PSD3: variants seen among roughly 807,000 people sequenced by gnomAD.
PSD3 encodes the protein pleckstrin and Sec7 domain containing 3.
In PSD3, 49 loss-of-function variants were observed where a neutral mutation model predicts 105.5. That is an observed-to-expected ratio of 0.46 (90% confidence interval 0.37 to 0.59). The LOEUF (loss-of-function observed/expected upper bound fraction) is 0.59, where lower values mean the gene tolerates loss of function less well. Ranked by LOEUF, PSD3 falls within the 20% of genes least tolerant of loss-of-function variation. PSD3 has a pLI of 0.00. For missense variants in PSD3, 1,561 were observed against 1,263.8 expected (o/e 1.24, Z -3.57); for synonymous variants, 557 against 457.8 (o/e 1.22, Z -2.77).
At position 18,621,624 on chromosome 8, in the gene PSD3, G is replaced by A. The variant is rs561845085; in HGVS notation, c.2410+10989C>T. 2.0e-4 allele frequency among the ~76,000 whole-genome samples: 30 copies of A among 152,240 alleles called. 1 individual carries two copies. The highest frequency in any genetic ancestry group is 2.0e-4 in the Admixed American group (3 of 15,300). ...TAAAACTAGAGAGTCACGTGACAAGGTGCTCCTGCGCGTTCACATGGCTGC... is the reference window on the plus strand; with the variant it reads ...TAAAACTAGAGAGTCACGTGACAAGATGCTCCTGCGCGTTCACATGGCTGC... On this transcript the variant is annotated intron_variant, in intron 11 of 15. Coordinates refer to ENST00000327040, the MANE Select transcript of PSD3 (RefSeq NM_015310.4).
chr8:18,886,413 A>G (rs764678065), intron 2 of PSD3, among the ~76,000 whole-genome samples: 91 of 152,068 alleles, frequency 6.0e-4, no homozygotes, highest in Admixed American at 1.9e-3. Flanking sequence ...ATAAATGCAA[A>G]ATGCTCTCCT....
intron 1 of PSD3, among the ~76,000 whole-genome samples, chr8:19,083,744 G>A (rs1449239251): frequency 6.6e-6 from 1 of 152,196 alleles, no homozygotes; most frequent in East Asian, 1.9e-4. Context: ...GTTTCTGCAA[G>A]GGTGGGGAGG....
chr8:18,752,525 TA>T (rs1805610118), intron 9 of PSD3, among the ~76,000 whole-genome samples: 1 of 68,936 alleles, frequency 1.5e-5, no homozygotes, highest in Non-Finnish European at 2.3e-5. Flanking sequence ...ATGTAATATA[TA>T]TAATTATATA....
At chr8:18,882,764 A>T (rs1818190528) in intron 2 of PSD3, among the ~76,000 whole-genome samples, 1 of 152,034 alleles carries the variant, frequency 6.6e-6, no homozygotes, top group Non-Finnish European at 1.5e-5. Context: ...GCTCCATACC[A>T]TATATAGCTA....
chr8:19,038,798 G>A (rs1828030509), intron 1 of PSD3, among the ~76,000 whole-genome samples: 1 of 152,148 alleles, frequency 6.6e-6, no homozygotes, highest in Non-Finnish European at 1.5e-5. Flanking sequence ...AATTTATTGA[G>A]TAGTTATTAT....
At chr8:18,694,614 A>G (rs1362392409) in intron 9 of PSD3, among the ~76,000 whole-genome samples, 2 of 132,116 alleles carry the variant, frequency 1.5e-5, no homozygotes, top group African/African-American at 7.8e-5. Context: ...CATCTCCGAA[A>G]AAAAAAAAAA....
At chr8:18,646,389 TGCAAAAAA>T (rs1417446952) in intron 10 of PSD3, among the ~76,000 whole-genome samples, 17 of 152,124 alleles carry the variant, frequency 1.1e-4, no homozygotes, top group African/African-American at 4.1e-4. Flanking sequence ...AGTAAGTCAT[TGCAAAAAA>T]AGGAAATTAC....
chr8:18,867,454 G>A (rs564460064), intron 4 of PSD3, among the ~76,000 whole-genome samples: 1 of 152,216 alleles, frequency 6.6e-6, no homozygotes, highest in South Asian at 2.1e-4. Context: ...AGTCATCCAG[G>A]AAATCCCACA....
intron 1 of PSD3, among the ~76,000 whole-genome samples, chr8:19,076,859 G>A (rs1258108035): frequency 6.6e-6 from 1 of 152,112 alleles, no homozygotes; most frequent in Non-Finnish European, 1.5e-5. Context: ...CCTTGGGCAG[G>A]TAGGAAGCAC....
At chr8:18,942,378 G>A (rs1472883949) in intron 1 of PSD3, among the ~76,000 whole-genome samples, 1 of 152,148 alleles carries the variant, frequency 6.6e-6, no homozygotes, top group African/African-American at 2.4e-5. Context: ...CAGAAGCCAG[G>A]CCCATGGAAG....
intron 2 of PSD3, among the ~76,000 whole-genome samples, chr8:18,889,111 T>C (rs886633855): frequency 2.0e-5 from 3 of 152,140 alleles, no homozygotes; most frequent in African/African-American, 7.2e-5. Flanking sequence ...TTACTTTGAC[T>C]AACCCCCTAA....
At chr8:18,585,258 A>T (rs1803093866) in intron 12 of PSD3, among the ~76,000 whole-genome samples, 1 of 152,190 alleles carries the variant, frequency 6.6e-6, no homozygotes. Flanking sequence ...TTTCATACAC[A>T]GACTGCTGTA....
rs370157430 is a variant in PSD3, at chr8:18,786,054, C to A, written c.2082+13241G>T. ...GACAATAAAATGAGATACGCCTATACTTAAACTTACAATAAAAAGTTTCCC... is the reference window on the plus strand; with the variant it reads ...GACAATAAAATGAGATACGCCTATAATTAAACTTACAATAAAAAGTTTCCC... On this transcript the variant is annotated intron_variant, in intron 8 of 15. Coordinates refer to ENST00000327040, the MANE Select transcript of PSD3 (RefSeq NM_015310.4). 2.0e-5 allele frequency among the ~76,000 whole-genome samples: 3 copies of A among 152,152 alleles called. No homozygotes were observed. The South Asian group carries it at 6.2e-4, about 32-fold the overall frequency.
intron 14 of PSD3, among the ~76,000 whole-genome samples, chr8:18,567,108 C>G (rs1431328134): frequency 6.6e-6 from 1 of 152,132 alleles, no homozygotes; most frequent in Non-Finnish European, 1.5e-5. Flanking sequence ...TTACATTCAC[C>G]TTCCATGAAT....
chr8:18,853,345 G>C (rs1284732653), intron 4 of PSD3, among the ~76,000 whole-genome samples: 1 of 152,144 alleles, frequency 6.6e-6, no homozygotes, highest in Non-Finnish European at 1.5e-5. Flanking sequence ...AAGCCCTGGA[G>C]TTCTTGCTGG....
intron 13 of PSD3, among the ~76,000 whole-genome samples, chr8:18,574,131 C>T (rs1319675052): frequency 6.6e-6 from 1 of 152,004 alleles, no homozygotes; most frequent in Non-Finnish European, 1.5e-5. Context: ...AGATTATCTA[C>T]CATACACATA....
intron 10 of PSD3, among the ~76,000 whole-genome samples, chr8:18,645,465 T>C (rs893425703): frequency 1.3e-5 from 2 of 152,234 alleles, no homozygotes; most frequent in African/African-American, 4.8e-5. Flanking sequence ...TTCTGTTTCT[T>C]TTCTTACAGT....
At chr8:19,074,537 T>C (rs1457273077) in intron 1 of PSD3, among the ~76,000 whole-genome samples, 1 of 150,338 alleles carries the variant, frequency 6.7e-6, no homozygotes, top group Non-Finnish European at 1.5e-5. Flanking sequence ...CTACTATTTT[T>C]AGTTTATTTT....
chr8:19,010,527 T>G (rs1466715179), intron 1 of PSD3, among the ~76,000 whole-genome samples: 1 of 152,252 alleles, frequency 6.6e-6, no homozygotes, highest in African/African-American at 2.4e-5. Context: ...GTTAACTATA[T>G]GCTGCAAATT....
Sources: allele counts gnomAD v4.1 joint callset (sites outside exome capture counted in the v4.1 genomes callset), GRCh38; gene constraint gnomAD v4.1.1; transcripts MANE v1.5; gene names NCBI Gene and HGNC (gene_info 2026-07-23, HGNC 2026-07-21).